C7: variants seen among roughly 807,000 people sequenced by gnomAD.
The protein encoded by C7 is complement component C7.
Under a neutral mutation model 104.8 loss-of-function variants are expected in C7, and 83 were observed. That is an observed-to-expected ratio of 0.79 (90% CI 0.66 to 0.95). The LOEUF (loss-of-function observed/expected upper bound fraction) is 0.95. Ranked by LOEUF, C7 falls within the 40% of genes least tolerant of loss-of-function variation. The pLI is 0.00. For missense variants in C7, 1,070 were observed against 1,011.2 expected (o/e 1.06, Z -0.79); for synonymous variants, 415 against 360.6 (o/e 1.15, Z -1.71).
intron 2 of C7, among the ~76,000 whole-genome samples, chr5:40,929,221 C>T (rs1277005221): frequency 1.1e-4 from 16 of 152,024 alleles, no homozygotes; most frequent in Admixed American, 9.2e-4. Flanking sequence ...CTGGGTGATT[C>T]GTATCTTGAG....
At chr5:40,975,578 G>T (rs1282030596) in intron 15 of C7, among the ~76,000 whole-genome samples, 1 of 152,082 alleles carries the variant, frequency 6.6e-6, no homozygotes, top group Admixed American at 6.5e-5. Context: ...TGGCTAGGCT[G>T]GTCGTGAACT....
chr5:40,931,055 C>A lies in C7; in HGVS notation c.63-9C>A. 6.2e-7 allele frequency: 1 copy of A among 1,602,526 alleles called. No individual in the cohort carries two copies. The highest frequency in any genetic ancestry group is 8.5e-7 in the Non-Finnish European group (1 of 1,169,676). ...CTGCTTTATGATGGACAATTTGACA[C>A]TGTGGCAGTGCCTCCTCTCCAGTCA... is the stretch of plus-strand genomic sequence containing the variant. On this transcript the variant is annotated splice_polypyrimidine_tract_variant and intron_variant, in intron 2 of 17. Transcript: ENST00000313164.
At position 40,947,848 on chromosome 5, in the gene C7, A is replaced by G. The variant is rs180932456; in HGVS notation, c.982+3A>G. ...CTCAGAAAAATTAAAACAAAATGGT[A>G]CAGTATTAAAAAATTCGTTGTCTAA... On this transcript the variant is annotated splice_donor_region_variant and intron_variant, in intron 8 of 17. Coordinates refer to ENST00000313164, the MANE Select transcript of C7 (RefSeq NM_000587.4). 51 of 1,611,414 alleles carry G rather than the reference A, an allele frequency of 3.2e-5. No individual in the cohort carries two copies. Among genetic ancestry groups the G allele is most frequent in the Non-Finnish European group, 4.2e-5 (50 of 1,179,036 alleles).
At chr5:40,928,520 AT>A in intron 1 of C7, 59 bp from the exon 2 acceptor site, 1 of 957,284 alleles carries the variant, frequency 1.0e-6, no homozygotes, top group Non-Finnish European at 1.6e-6. Flanking sequence ...TAAATTGTCA[AT>A]TTATAGTTAT....
Position 40,981,692 on chromosome 5 carries a change from C to T in C7, c.*119C>T, listed in dbSNP as rs1054875300. On this transcript the variant is annotated 3_prime_UTR_variant, in exon 18 of 18. Transcript: ENST00000313164. The stretch of plus-strand genomic sequence containing the variant: ...CTTCTTCTCCAGTGTCTACCTTCCT[C>T]CTCAACTCCCAGCCATCTGTATAAA... 5.0e-5 allele frequency: 38 copies of T among 761,074 alleles called. No homozygotes were observed. The highest frequency in any genetic ancestry group is 2.1e-5 in the Non-Finnish European group (10 of 478,302). The allele number at this position is 761,074 out of a possible 1,614,324, so 47.1% of individuals were successfully genotyped here.
intron 6 of C7, among the ~76,000 whole-genome samples, chr5:40,944,991 T>A (rs548250273): frequency 8.5e-5 from 13 of 152,310 alleles, no homozygotes; most frequent in Admixed American, 2.6e-4. Context: ...ATTGCCATTG[T>A]TGGTACCATG....
chr5:40,984,266 A>G lies in C7; in HGVS notation c.*2693A>G, dbSNP rs546620923. On this transcript the variant is annotated 3_prime_UTR_variant, in exon 18 of 18. Transcript: ENST00000313164. ...TGACTTGTAATCACCTTGAAAGAGA[A>G]GGAGGGTTCTTCGTATTCAGGTAGG... Among the ~76,000 whole-genome samples, 411 of 152,288 alleles carry G rather than the reference A, an allele frequency of 2.7e-3. 4 individuals carry two copies. The highest frequency in any genetic ancestry group is 9.5e-3 in the African/African-American group (394 of 41,562).
intron 14 of C7, among the ~76,000 whole-genome samples, chr5:40,968,446 T>A (rs982849860): frequency 1.3e-5 from 2 of 151,388 alleles, no homozygotes; most frequent in Non-Finnish European, 1.5e-5. Flanking sequence ...TATTTTCAAC[T>A]GACCTATCTT....
At chr5:40,971,444 T>C (rs2111706729) in intron 14 of C7, among the ~76,000 whole-genome samples, 1 of 152,322 alleles carries the variant, frequency 6.6e-6, no homozygotes, top group East Asian at 1.9e-4. Flanking sequence ...CTTGTTTTTC[T>C]GTTGTAAATT....
At chr5:40,917,620 T>C (rs1739344817) in intron 1 of C7, among the ~76,000 whole-genome samples, 1 of 152,218 alleles carries the variant, frequency 6.6e-6, no homozygotes, top group African/African-American at 2.4e-5. Flanking sequence ...TATACTGATT[T>C]CATTTACTTT....
chr5:40,945,511 AT>A, intron 7 of C7, 143 bp downstream of exon 7: 1 of 562,506 alleles, frequency 1.8e-6, no homozygotes, highest in South Asian at 2.9e-5. Flanking sequence ...AGTCAATGCA[AT>A]ATCTTTCTCT....
chr5:40,936,622 T>G, intron 5 of C7, 137 bp downstream of exon 5: 1 of 749,458 alleles, frequency 1.3e-6, no homozygotes, highest in Non-Finnish European at 2.1e-6. Flanking sequence ...CTTTGCCACA[T>G]CCTGAGACAG....
chr5:40,925,029 G>A (rs1739522557), intron 1 of C7, among the ~76,000 whole-genome samples: 1 of 152,188 alleles, frequency 6.6e-6, no homozygotes, highest in Non-Finnish European at 1.5e-5. Flanking sequence ...TGTAGCAAGT[G>A]CTTGCTCCAC....
At chr5:40,927,491 A>C (rs913880932) in intron 1 of C7, among the ~76,000 whole-genome samples, 1 of 152,088 alleles carries the variant, frequency 6.6e-6, no homozygotes, top group African/African-American at 2.4e-5. Context: ...TAAGTCATAC[A>C]TTCAAGAAGA....
intron 1 of C7, among the ~76,000 whole-genome samples, chr5:40,916,451 T>A (rs1739318691): frequency 6.6e-6 from 1 of 152,216 alleles, no homozygotes; most frequent in South Asian, 2.1e-4. Context: ...GGTTTCTTTT[T>A]AAAATCAGCC....
chr5:40,961,059 G>A (rs1740409069), intron 12 of C7, among the ~76,000 whole-genome samples: 1 of 152,136 alleles, frequency 6.6e-6, no homozygotes, highest in Non-Finnish European at 1.5e-5. Flanking sequence ...TGTGCTTTCA[G>A]TTATACACGT....
In C7 at chr5:40,972,425, ACT is replaced by A. The variant is rs1491218648; in HGVS notation, c.1906_1907del (p.Leu636AspfsTer17). On this transcript the variant is annotated frameshift_variant, in exon 15 of 18. Coordinates refer to ENST00000313164, the MANE Select transcript of C7 (RefSeq NM_000587.4). LOFTEE classifies it high-confidence loss of function. ...TAGAAATTGCCTGTGTTCTACCTGTACTGATGGATGGCATACAGAGTCACCCC... is the reference window on the plus strand; with the variant it reads ...TAGAAATTGCCTGTGTTCTACCTGTAGATGGATGGCATACAGAGTCACCCC... ...CQKIACVLPV[L>X]MDGIQSHPQK... 3.7e-6 allele frequency: 6 copies of A among 1,613,704 alleles called. No individual in the cohort carries two copies. The African/African-American group carries it at 8.0e-5, about 22-fold the overall frequency.
chr5:40,925,751 G>C (rs1486052796), intron 1 of C7, among the ~76,000 whole-genome samples: 1 of 152,210 alleles, frequency 6.6e-6, no homozygotes, highest in East Asian at 1.9e-4. Context: ...CCTGCAGGGA[G>C]ATTTTACTCA....
intron 11 of C7, among the ~76,000 whole-genome samples, chr5:40,958,918 T>G (rs1389833011): frequency 6.6e-6 from 1 of 152,186 alleles, no homozygotes; most frequent in Non-Finnish European, 1.5e-5. Context: ...AGTCACTAAA[T>G]GAACGATAAA....
Sources: allele counts gnomAD v4.1 joint callset (sites outside exome capture counted in the v4.1 genomes callset), GRCh38; gene constraint gnomAD v4.1.1; transcripts MANE v1.5; gene names NCBI Gene and HGNC (gene_info 2026-07-23, HGNC 2026-07-21).